Variants in MYO16 observed in about 807,000 individuals in gnomAD.
MYO16 encodes the protein myosin XVI, also known as unconventional myosin-XVI.
MYO16 carries 94 observed loss-of-function variants against 205.3 expected under a neutral mutation model. The observed-to-expected ratio is 0.46, with a 90% CI of 0.39 to 0.54. The LOEUF (loss-of-function observed/expected upper bound fraction) is 0.54. Ranked by LOEUF, MYO16 falls within the 20% of genes least tolerant of loss-of-function variation. The pLI, the probability that MYO16 is intolerant of heterozygous loss-of-function variation, is 0.00. For synonymous variants in MYO16, 988 were observed against 954.0 expected (o/e 1.04, Z -0.66); for missense variants, 2,315 against 2,387.5 (o/e 0.97, Z 0.63).
intron 20 of MYO16, among the ~76,000 whole-genome samples, chr13:108,969,135 A>G (rs1883913433): frequency 6.6e-6 from 1 of 152,236 alleles, no homozygotes; most frequent in Non-Finnish European, 1.5e-5. Flanking sequence ...TTTCGAGAGT[A>G]TAGCCCTGAA....
At chr13:108,502,482 T>TCATAAGC in the MYO16 span, among the ~76,000 whole-genome samples, 5 of 152,230 alleles carry the variant, frequency 3.3e-5, no homozygotes, top group Non-Finnish European at 5.9e-5. Flanking sequence ...GTTCAAATTA[T>TCATAAGC]CATAAGCTGA....
chr13:109,028,326 TA>T (rs1277616362), intron 23 of MYO16: 2 of 242,798 alleles, frequency 8.2e-6, no homozygotes, highest in Non-Finnish European at 1.7e-5. Flanking sequence ...AAAATTGAGA[TA>T]TTTCTCAACT....
chr13:108,966,766 A>G (rs1006744575), intron 20 of MYO16, among the ~76,000 whole-genome samples: 3 of 152,304 alleles, frequency 2.0e-5, no homozygotes, highest in Middle Eastern at 3.4e-3. Context: ...CAGATAATGC[A>G]AGAAAAGGTT....
At chr13:109,063,739 T>C (rs1177604154) in intron 27 of MYO16, among the ~76,000 whole-genome samples, 1 of 151,994 alleles carries the variant, frequency 6.6e-6, no homozygotes, top group Non-Finnish European at 1.5e-5. Context: ...AAGTTATATA[T>C]ATTGTGTTTG....
chr13:108,940,160 A>G (rs758106111), intron 16 of MYO16, among the ~76,000 whole-genome samples: 1 of 152,166 alleles, frequency 6.6e-6, no homozygotes, highest in Non-Finnish European at 1.5e-5. Flanking sequence ...CCTAAACACA[A>G]AGAACAGCAG....
chr13:108,619,553 A>C (rs1315279480), intron 1 of MYO16, among the ~76,000 whole-genome samples: 1 of 152,132 alleles, frequency 6.6e-6, no homozygotes, highest in Non-Finnish European at 1.5e-5. Flanking sequence ...TCATGTCAGC[A>C]TTTTGAGAGA....
chr13:108,572,885 A>C, the MYO16 span, among the ~76,000 whole-genome samples: 4 of 152,192 alleles, frequency 2.6e-5, no homozygotes. Flanking sequence ...GTCCAACCAC[A>C]ACAAGTGCTA....
At chr13:108,745,123 T>A (rs1885020091) in intron 4 of MYO16, among the ~76,000 whole-genome samples, 2 of 152,224 alleles carry the variant, frequency 1.3e-5, no homozygotes, top group African/African-American at 4.8e-5. Context: ...TGATGTTTCT[T>A]GGACCTATCA....
intron 2 of MYO16, among the ~76,000 whole-genome samples, chr13:108,677,368 TATATGCATATATATATAC>T (rs1882275036): frequency 7.7e-6 from 1 of 130,602 alleles, no homozygotes; most frequent in African/African-American, 2.7e-5. Flanking sequence ...TATATATATA[TATATGCATATATATATAC>T]AGGTATATAT....
At chr13:108,791,687 G>T (rs1369798236) in intron 5 of MYO16, among the ~76,000 whole-genome samples, 2 of 152,190 alleles carry the variant, frequency 1.3e-5, no homozygotes, top group Non-Finnish European at 2.9e-5. Flanking sequence ...AGGCAGAGTT[G>T]AAGTGCCCCA....
At chr13:108,665,707 A>C (rs1881691223) in intron 1 of MYO16, among the ~76,000 whole-genome samples, 179 bp from the exon 2 acceptor site, 1 of 152,200 alleles carries the variant, frequency 6.6e-6, no homozygotes. Context: ...CTTGAGAAAC[A>C]CACGAACTAT....
Position 108,978,256 on chromosome 13 carries a change from A to G in MYO16, c.2369+13354A>G, listed in dbSNP as rs76748629. Among the ~76,000 whole-genome samples the G allele has an allele frequency of 4.2e-3, 634 of 152,076 alleles. 10 individuals are homozygous for G. In the East Asian group the frequency reaches 0.051, roughly 12 times the overall value. ...CGTAATTATCTTTTTGTCTTTATGT[A>G]TCTTACTTCTTCTTATTTTATTGCA... On this transcript the variant is annotated intron_variant, in intron 20 of 34. Coordinates refer to ENST00000457511, the MANE Select transcript of MYO16 (RefSeq NM_001198950.3).
chr13:108,590,366 G>A, the MYO16 span, among the ~76,000 whole-genome samples: 800 of 152,228 alleles, frequency 5.3e-3, 4 homozygotes, highest in Non-Finnish European at 8.9e-3. Flanking sequence ...GATTGTAGCC[G>A]AGTATTGATA....
rs188479978 is a variant in MYO16, at chr13:109,185,952, T to G, written c.5415+6319T>G. On this transcript the variant is annotated intron_variant, in intron 34 of 34. Coordinates refer to ENST00000457511, the MANE Select transcript of MYO16 (RefSeq NM_001198950.3). Reference sequence around the variant, plus strand: ...CTTGTTTTTGCTGTGGTGGGACTTTTTTTTCCATTTTGATACATGCATCTC... The same window carrying G: ...CTTGTTTTTGCTGTGGTGGGACTTTGTTTTCCATTTTGATACATGCATCTC... 4.3e-3 allele frequency among the ~76,000 whole-genome samples: 657 copies of G among 152,346 alleles called. 1 individual carries two copies. Among genetic ancestry groups the G allele is most frequent in the Middle Eastern group, 6.8e-3 (2 of 294 alleles).
chr13:108,919,507 C>T (rs1415248708), intron 16 of MYO16, among the ~76,000 whole-genome samples: 1 of 152,232 alleles, frequency 6.6e-6, no homozygotes, highest in Non-Finnish European at 1.5e-5. Context: ...GGTTCTTTGA[C>T]ATCTTCTCCT....
At chr13:108,967,086 G>A (rs559086572) in intron 20 of MYO16, among the ~76,000 whole-genome samples, 2 of 151,718 alleles carry the variant, frequency 1.3e-5, no homozygotes, top group African/African-American at 4.8e-5. Flanking sequence ...CCTTGCGATA[G>A]AATAGACATA....
intron 4 of MYO16, among the ~76,000 whole-genome samples, chr13:108,766,479 A>G (rs535071247): frequency 2.6e-4 from 39 of 152,292 alleles, no homozygotes; most frequent in African/African-American, 8.7e-4. Context: ...GGCTTTGGGT[A>G]GAGAGGTTTA....
chr13:108,892,084 C>A (rs1321299466), intron 14 of MYO16, among the ~76,000 whole-genome samples: 2 of 152,056 alleles, frequency 1.3e-5, no homozygotes, highest in African/African-American at 4.8e-5. Flanking sequence ...TCTAATAGAT[C>A]CCCAAGCTTA....
chr13:109,088,807 A>C (rs1041425037), intron 27 of MYO16, among the ~76,000 whole-genome samples: 1 of 152,202 alleles, frequency 6.6e-6, no homozygotes, highest in Non-Finnish European at 1.5e-5. Flanking sequence ...GAGAGGCCAC[A>C]GCAGCCTGGC....
Sources: gnomAD v4.1 joint callset for allele counts (sites outside exome capture counted in the v4.1 genomes callset) on GRCh38, gnomAD v4.1.1 for gene constraint, MANE v1.5 for transcripts, NCBI Gene and HGNC (gene_info 2026-07-23, HGNC 2026-07-21) for gene names.